SHISA9: variants seen among roughly 807,000 people sequenced by gnomAD.
The protein encoded by SHISA9 is protein shisa-9.
In SHISA9, 13 loss-of-function variants were observed where a neutral mutation model predicts 38.0. That is an observed-to-expected ratio of 0.34 (90% CI 0.22 to 0.54). SHISA9 has a LOEUF of 0.54. Ranked by LOEUF, SHISA9 falls within the 20% of genes least tolerant of loss-of-function variation. SHISA9 has a pLI of 0.91. For missense variants in SHISA9, 538 were observed against 575.8 expected (o/e 0.93, Z 0.67); for synonymous variants, 275 against 242.0 (o/e 1.14, Z -1.27).
intron 4 of SHISA9, among the ~76,000 whole-genome samples, chr16:13,225,759 C>T (rs980057347): frequency 2.0e-5 from 3 of 152,122 alleles, no homozygotes; most frequent in African/African-American, 7.2e-5. Flanking sequence ...TCTCCCTTTC[C>T]ACGGAAGCCA....
intron 2 of SHISA9, among the ~76,000 whole-genome samples, chr16:13,003,974 TG>T (rs2072562356): frequency 6.6e-6 from 1 of 152,246 alleles, no homozygotes; most frequent in South Asian, 2.1e-4. Flanking sequence ...AGCTATGTGT[TG>T]GGGGTGCTTT....
At chr16:12,973,949 A>G (rs1342602707) in intron 2 of SHISA9, among the ~76,000 whole-genome samples, 1 of 152,234 alleles carries the variant, frequency 6.6e-6, no homozygotes, top group Non-Finnish European at 1.5e-5. Context: ...GTGGCATAAA[A>G]GTATGCTTGC....
intron 2 of SHISA9, among the ~76,000 whole-genome samples, chr16:13,021,174 C>T (rs1262709016): frequency 2.0e-5 from 3 of 152,206 alleles, no homozygotes; most frequent in African/African-American, 7.2e-5. Flanking sequence ...ACAATTTTGC[C>T]TCCCTCCTAC....
chr16:13,318,403 A>G, the SHISA9 span, among the ~76,000 whole-genome samples: 1 of 151,940 alleles, frequency 6.6e-6, no homozygotes, highest in Non-Finnish European at 1.5e-5. Context: ...GCTCACTGCA[A>G]CCTCCACCTC....
intron 2 of SHISA9, among the ~76,000 whole-genome samples, chr16:13,096,110 C>G (rs1450163786): frequency 1.3e-5 from 2 of 152,206 alleles, no homozygotes; most frequent in Non-Finnish European, 2.9e-5. Flanking sequence ...TCACTTAACT[C>G]CTTTAAGCCT....
intron 2 of SHISA9, among the ~76,000 whole-genome samples, chr16:13,068,404 T>G (rs923111245): frequency 6.6e-6 from 1 of 152,226 alleles, no homozygotes; most frequent in African/African-American, 2.4e-5. Flanking sequence ...AAAGGGTGTG[T>G]GAACACCCAC....
rs1483115795 is a variant in SHISA9 at position 13,202,090 on chromosome 16, G to A, written c.692-1304G>A. On this transcript the variant is annotated intron_variant, in intron 2 of 4. Transcript: ENST00000558583. Reference sequence around the variant, plus strand: ...CGAGACCCATTCCCATTTGGGTCTCGCCTCCTGTCTATCCATCCCATTGCT... The same window carrying A: ...CGAGACCCATTCCCATTTGGGTCTCACCTCCTGTCTATCCATCCCATTGCT... Among the ~76,000 whole-genome samples, 12 of 114,102 alleles carry A rather than the reference G, an allele frequency of 1.1e-4. 2 individuals are homozygous for A. The highest frequency in any genetic ancestry group is 4.0e-4 in the African/African-American group (11 of 27,330). 74.9% of individuals were successfully genotyped at this position (114,102 alleles called of 152,430 possible).
At chr16:13,296,325 T>A in the SHISA9 span, among the ~76,000 whole-genome samples, 5 of 152,086 alleles carry the variant, frequency 3.3e-5, no homozygotes, top group Non-Finnish European at 7.4e-5. Context: ...CAAGTTATAT[T>A]TTTTTAGCAC....
intron 2 of SHISA9, among the ~76,000 whole-genome samples, chr16:13,068,259 G>T (rs2073457486): frequency 6.6e-6 from 1 of 152,168 alleles, no homozygotes; most frequent in African/African-American, 2.4e-5. Context: ...CTCTTTACCT[G>T]CCCAGGCCTC....
intron 2 of SHISA9, among the ~76,000 whole-genome samples, chr16:13,035,908 C>T (rs2073054585): frequency 6.6e-6 from 1 of 152,066 alleles, no homozygotes; most frequent in Non-Finnish European, 1.5e-5. Context: ...TGAAAAGATG[C>T]CGGTGTCATT....
chr16:13,477,276 C>A, the SHISA9 span, among the ~76,000 whole-genome samples: 1 of 152,132 alleles, frequency 6.6e-6, no homozygotes, highest in African/African-American at 2.4e-5. Context: ...AGGCACAGGA[C>A]ATTGTTGGGT....
chr16:13,414,001 T>C, the SHISA9 span, among the ~76,000 whole-genome samples: 5 of 152,134 alleles, frequency 3.3e-5, no homozygotes, highest in African/African-American at 1.2e-4. Context: ...AACAGGAAAT[T>C]CCTGTAACCA....
chr16:13,500,607 G>A, the SHISA9 span, among the ~76,000 whole-genome samples: 582 of 151,332 alleles, frequency 3.8e-3, 15 homozygotes, highest in Admixed American at 0.035. Flanking sequence ...AGTGGAGTGT[G>A]GGGGGAGGCA....
intron 2 of SHISA9, among the ~76,000 whole-genome samples, chr16:12,945,776 G>A (rs181525842): frequency 6.6e-6 from 1 of 152,172 alleles, no homozygotes; most frequent in Non-Finnish European, 1.5e-5. Context: ...ATTAAATGTG[G>A]TATATACATA....
chr16:13,304,843 G>A, the SHISA9 span, among the ~76,000 whole-genome samples: 1 of 152,164 alleles, frequency 6.6e-6, no homozygotes, highest in African/African-American at 2.4e-5. Flanking sequence ...GGTTTCCAGA[G>A]GGCAGAAGTG....
At chr16:13,206,730 T>A (rs1231074635) in intron 3 of SHISA9, among the ~76,000 whole-genome samples, 4 of 152,260 alleles carry the variant, frequency 2.6e-5, no homozygotes, top group African/African-American at 9.6e-5. Context: ...CCCTACGTAC[T>A]GGTTACCCAT....
the SHISA9 span, among the ~76,000 whole-genome samples, chr16:13,422,029 C>G: frequency 1.3e-5 from 2 of 152,184 alleles, no homozygotes. Flanking sequence ...GCAGAACCAG[C>G]TTTGAATGCA....
At chr16:12,942,154 A>G (rs1334964083) in intron 2 of SHISA9, among the ~76,000 whole-genome samples, 1 of 152,210 alleles carries the variant, frequency 6.6e-6, no homozygotes, top group Non-Finnish European at 1.5e-5. Flanking sequence ...GCTGTGGAGG[A>G]CAGTTCTTGA....
At chr16:13,225,657 C>A (rs1194385381) in intron 4 of SHISA9, among the ~76,000 whole-genome samples, 2 of 152,226 alleles carry the variant, frequency 1.3e-5, no homozygotes, top group South Asian at 2.1e-4. Flanking sequence ...CCTAAGATAT[C>A]TTTGCCTCAA....
Sources: allele counts gnomAD v4.1 joint callset (sites outside exome capture counted in the v4.1 genomes callset), GRCh38; gene constraint gnomAD v4.1.1; transcripts MANE v1.5; gene names NCBI Gene and HGNC (gene_info 2026-07-23, HGNC 2026-07-21).